The following ADAMTSL3 variants were observed in gnomAD, a reference collection of about 807,000 sequenced individuals.
ADAMTSL3 encodes the protein ADAMTS like 3.
A neutral mutation model predicts 201.7 loss-of-function variants in ADAMTSL3; 128 were observed. The ratio of observed to expected loss-of-function variants is 0.63; its 90% CI spans 0.55 to 0.73. The LOEUF (loss-of-function observed/expected upper bound fraction) is 0.73, where lower values mean the gene tolerates loss of function less well. ADAMTSL3 is among the 30% of genes least tolerant of loss of function. The probability of loss-of-function intolerance (pLI) is 0.00; values close to 1 mark genes in which losing one functional copy is unlikely to be tolerated. For synonymous variants in ADAMTSL3, 738 were observed against 748.4 expected, an observed-to-expected ratio of 0.99 and a Z score of 0.23; for missense variants, 1,990 against 2,119.6, an observed-to-expected ratio of 0.94 and a Z score of 1.20.
At chr15:83,743,849 T>G (rs1014155339) in intron 3 of ADAMTSL3, among the ~76,000 whole-genome samples, 1 of 152,112 alleles carries the variant, frequency 6.6e-6, no homozygotes, top group African/African-American at 2.4e-5. Flanking sequence ...TTTCCTTAAC[T>G]CATATATCTT....
chr15:83,957,709 G>A (rs2066887706), intron 19 of ADAMTSL3, among the ~76,000 whole-genome samples: 1 of 152,156 alleles, frequency 6.6e-6, no homozygotes, highest in Non-Finnish European at 1.5e-5. Context: ...ACTTGAAAGG[G>A]AGAGAAAAAT....
At chr15:83,881,769 C>T (rs1414785194) in intron 9 of ADAMTSL3, among the ~76,000 whole-genome samples, 3 of 152,030 alleles carry the variant, frequency 2.0e-5, no homozygotes, top group African/African-American at 7.2e-5. Context: ...GCAAGAGAAT[C>T]CCTTGAACCT....
chr15:83,747,242 G>C (rs2062561247), intron 3 of ADAMTSL3, among the ~76,000 whole-genome samples: 2 of 152,200 alleles, frequency 1.3e-5, no homozygotes, highest in African/African-American at 4.8e-5. Flanking sequence ...TCTGAGGTTT[G>C]CTGCCTCCCT....
At chr15:83,893,809 A>G (rs2065557899) in intron 13 of ADAMTSL3, among the ~76,000 whole-genome samples, 1 of 152,232 alleles carries the variant, frequency 6.6e-6, no homozygotes, top group African/African-American at 2.4e-5. Flanking sequence ...TTAGTCAAAG[A>G]TGAAAAATGC....
chr15:83,820,241 C>T (rs546146524), intron 6 of ADAMTSL3, among the ~76,000 whole-genome samples, 194 bp downstream of exon 6: 1 of 152,146 alleles, frequency 6.6e-6, no homozygotes, highest in African/African-American at 2.4e-5. Context: ...GTATTTGTAT[C>T]CCAATTTTGT....
At chr15:83,939,517 C>A (rs1223372937) in intron 17 of ADAMTSL3, among the ~76,000 whole-genome samples, 2 of 151,864 alleles carry the variant, frequency 1.3e-5, no homozygotes, top group Non-Finnish European at 2.9e-5. Flanking sequence ...TTTTTTTATG[C>A]CACAATGTCC....
chr15:83,895,344 T>C (rs1480185791), intron 13 of ADAMTSL3, among the ~76,000 whole-genome samples: 1 of 152,212 alleles, frequency 6.6e-6, no homozygotes, highest in Non-Finnish European at 1.5e-5. Context: ...ACTGCAGAGC[T>C]TGTTTTCAGC....
intron 17 of ADAMTSL3, among the ~76,000 whole-genome samples, chr15:83,926,435 A>T (rs112236405): frequency 1.3e-5 from 2 of 152,352 alleles, no homozygotes; most frequent in African/African-American, 4.8e-5. Context: ...TCAAACACAG[A>T]AATGGGGAGA....
At chr15:83,685,904 G>T (rs1167216336) in intron 2 of ADAMTSL3, among the ~76,000 whole-genome samples, 1 of 152,126 alleles carries the variant, frequency 6.6e-6, no homozygotes, top group African/African-American at 2.4e-5. Context: ...TGAAAGTGAG[G>T]CCCCAGGAAT....
Position 83,885,127 on chromosome 15 carries a change from C to T in ADAMTSL3, c.987C>T (p.Ser329=), listed in dbSNP as rs140676489. 26 of 1,613,994 alleles carry T rather than the reference C, an allele frequency of 1.6e-5. No homozygotes were observed. Among genetic ancestry groups the T allele is most frequent in the South Asian group, 7.7e-5 (7 of 91,056 alleles). Residue 329 remains serine (S), a synonymous_variant, in exon 10 of 30, where the codon AGC becomes AGT. Coordinates refer to ENST00000286744, the MANE Select transcript of ADAMTSL3 (RefSeq NM_207517.3). Reference sequence around the variant, plus strand: ...CCAGGTACACTGCAGCCAAAGACAGCGTGGTTCAGTTCTTCTTTTACCAGC... The same window carrying T: ...CCAGGTACACTGCAGCCAAAGACAGTGTGGTTCAGTTCTTCTTTTACCAGC... The part of the protein sequence containing the change: ...FKTRYTAAKD[S]VVQFFFYQPI...
chr15:83,855,176 C>T (rs1811755765), intron 7 of ADAMTSL3, among the ~76,000 whole-genome samples: 1 of 152,150 alleles, frequency 6.6e-6, no homozygotes. Flanking sequence ...CAGCTTAGGA[C>T]CTTCTCAGGT....
intron 23 of ADAMTSL3, among the ~76,000 whole-genome samples, chr15:83,999,840 C>G (rs756245793): frequency 6.6e-6 from 1 of 151,994 alleles, no homozygotes; most frequent in South Asian, 2.1e-4. Context: ...GATGTCTAGG[C>G]GAATTATTAA....
intron 2 of ADAMTSL3, among the ~76,000 whole-genome samples, chr15:83,688,099 G>A (rs2061561791): frequency 6.6e-6 from 1 of 152,182 alleles, no homozygotes; most frequent in African/African-American, 2.4e-5. Context: ...GGATGGAGAA[G>A]GGGCAATAAT....
chr15:84,000,636 T>A (rs540656159), intron 23 of ADAMTSL3, among the ~76,000 whole-genome samples: 1 of 152,218 alleles, frequency 6.6e-6, no homozygotes, highest in Non-Finnish European at 1.5e-5. Context: ...GTTTGTGAAG[T>A]GTATCAGACA....
chr15:83,688,755 TACAC>T (rs34509050), intron 2 of ADAMTSL3, among the ~76,000 whole-genome samples: 3 of 148,976 alleles, frequency 2.0e-5, no homozygotes, highest in Non-Finnish European at 3.0e-5. Context: ...TGCATATATA[TACAC>T]ACACACACAC....
At chr15:83,841,709 T>A (rs2064377766) in intron 7 of ADAMTSL3, among the ~76,000 whole-genome samples, 1 of 152,004 alleles carries the variant, frequency 6.6e-6, no homozygotes, top group African/African-American at 2.4e-5. Flanking sequence ...GCTCCGCCCT[T>A]GGGCCTGTGC....
At chr15:83,951,162 A>G (rs928647667) in intron 19 of ADAMTSL3, among the ~76,000 whole-genome samples, 17 of 151,784 alleles carry the variant, frequency 1.1e-4, no homozygotes, top group Admixed American at 2.0e-4. Flanking sequence ...TCTGTCATAC[A>G]TGGCTTTCAT....
intron 15 of ADAMTSL3, 70 bp from the exon 16 acceptor site, chr15:83,913,022 C>A: frequency 1.4e-6 from 2 of 1,463,534 alleles, no homozygotes; most frequent in Non-Finnish European, 1.9e-6. Flanking sequence ...GAATGTGTCA[C>A]TCCTCCTTTT....
At chr15:83,730,694 G>A (rs576152607) in intron 3 of ADAMTSL3, among the ~76,000 whole-genome samples, 3 of 151,976 alleles carry the variant, frequency 2.0e-5, no homozygotes, top group African/African-American at 7.2e-5. Context: ...CAGATATATG[G>A]TTTGCAAATA....
Sources: gnomAD v4.1 joint callset for allele counts (sites outside exome capture counted in the v4.1 genomes callset) on GRCh38, gnomAD v4.1.1 for gene constraint, MANE v1.5 for transcripts, NCBI Gene and HGNC (gene_info 2026-07-23, HGNC 2026-07-21) for gene names.